TASOR: variants seen among roughly 807,000 people sequenced by gnomAD.
The protein encoded by TASOR is protein TASOR.
Under a neutral mutation model 178.6 loss-of-function variants are expected in TASOR, and 53 were observed. The ratio of observed to expected loss-of-function variants is 0.30; its 90% CI spans 0.24 to 0.37. The LOEUF is 0.37. TASOR is among the 10% of genes least tolerant of loss of function. TASOR has a pLI of 1.00. For synonymous variants in TASOR, 713 were observed against 696.2 expected (o/e 1.02, Z -0.38); for missense variants, 1,815 against 1,971.4 (o/e 0.92, Z 1.50).
Position 56,647,219 on chromosome 3 carries a change from T to C in TASOR, c.1518A>G (p.Gln506=), listed in dbSNP as rs138228437. 2.6e-6 allele frequency: 4 copies of C among 1,527,626 alleles called. No homozygotes were observed. The African/African-American group carries it at 4.2e-5, about 16-fold the overall frequency. The allele number at this position is 1,527,626 out of a possible 1,614,324, so 94.6% of individuals were successfully genotyped here. Residue 506 remains glutamine, a synonymous_variant, in exon 14 of 24, where the codon CAA becomes CAG. Coordinates refer to ENST00000683822, the MANE Select transcript of TASOR (RefSeq NM_001365635.2). ...GTGGTGCTGCATTGGTTGAACCTTT[T>C]TGTGCTGTAAATAAAACAAACAAAC... ...FQEPRSIVTS[Q]KGSTNAAPQE... is the part of the protein sequence containing the mutation.
intron 3 of TASOR, among the ~76,000 whole-genome samples, chr3:56,670,357 T>C (rs146997940): frequency 6.6e-6 from 1 of 152,158 alleles, no homozygotes; most frequent in African/African-American, 2.4e-5. Context: ...TCCATTTTTC[T>C]TCATTTTAAT....
intron 1 of TASOR, among the ~76,000 whole-genome samples, chr3:56,679,327 T>C (rs1285794732): frequency 4.6e-5 from 7 of 152,228 alleles, no homozygotes; most frequent in Non-Finnish European, 7.3e-5. Context: ...CAATTAGAAA[T>C]GAATATGCTG....
chr3:56,623,637 T>C (rs2076737065), intron 23 of TASOR, 71 bp from the exon 24 acceptor site: 2 of 1,542,620 alleles, frequency 1.3e-6, no homozygotes, highest in African/African-American at 1.4e-5. Context: ...AATTATACAC[T>C]ACTCACACAA....
At position 56,671,619 on chromosome 3, in the gene TASOR, A is replaced by T. The variant is rs183980831; in HGVS notation, c.551T>A (p.Leu184Gln). 53 of 1,549,056 alleles carry T rather than the reference A, an allele frequency of 3.4e-5. No individual in the cohort carries two copies. The Admixed American group carries it at 1.0e-3, about 30-fold the overall frequency. Reference protein sequence around the residue: ...DKELSESYAFLMVDRYQVQTI... With the variant: ...DKELSESYAFQMVDRYQVQTI... ...ACTCACCTGGTATCGATCAACCATC[A>T]GAAATGCATAGGATTCTGAAAGTTC... is the stretch of plus-strand genomic sequence containing the variant. The change falls in exon 3 of 24, where the codon CTG becomes CAG. Residue 184 changes from leucine to glutamine, a missense_variant. By Grantham distance (113) the Leu-to-Gln change is moderately radical. This residue lies in a region of TASOR where 504 missense variants were observed against 645.3 expected (regional missense o/e 0.78). Transcript: ENST00000683822.
chr3:56,672,538 C>T (rs1326439321), intron 2 of TASOR, among the ~76,000 whole-genome samples: 1 of 152,216 alleles, frequency 6.6e-6, no homozygotes, highest in Non-Finnish European at 1.5e-5. Flanking sequence ...TCTATACATT[C>T]TGGCTTTTCC....
At chr3:56,644,913 A>G (rs1387777468) in intron 14 of TASOR, among the ~76,000 whole-genome samples, 2 of 152,240 alleles carry the variant, frequency 1.3e-5, no homozygotes, top group African/African-American at 4.8e-5. Context: ...TTTCATTTTA[A>G]TTCAAACTTA....
Position 56,683,096 on chromosome 3 carries a change from C to T in TASOR, c.-90G>A, listed in dbSNP as rs2031951242. The T allele has an allele frequency of 7.3e-7, 1 of 1,362,144 alleles. No individual in the cohort carries two copies. Among genetic ancestry groups the T allele is most frequent in the Non-Finnish European group, 9.7e-7 (1 of 1,029,080 alleles). 84.4% of individuals were successfully genotyped at this position (1,362,144 alleles called of 1,614,324 possible). ...GCGGCGGGCCAGTCTCGCCGCCGAG[C>T]TGCTCTCAGCCCACCCACCCCCTTC... On this transcript the variant is annotated 5_prime_UTR_variant, in exon 1 of 24. Transcript: ENST00000683822.
chr3:56,628,064 G>A (rs76314445), intron 19 of TASOR, among the ~76,000 whole-genome samples: 2 of 152,128 alleles, frequency 1.3e-5, no homozygotes, highest in Admixed American at 6.5e-5. Context: ...CTATGTGCTC[G>A]AACAGTCAAT....
At position 56,623,475 on chromosome 3, in the gene TASOR, A is replaced by T. The variant is rs763541497; in HGVS notation, c.4575T>A (p.His1525Gln). 3.1e-6 allele frequency: 5 copies of T among 1,613,216 alleles called. No homozygotes were observed. In the Admixed American group the frequency reaches 6.7e-5, roughly 22 times the overall value. Residue 1525 changes from histidine (H) to glutamine (Q), a missense_variant, in exon 24 of 24, where the codon CAT (histidine) becomes CAA (glutamine). Around this residue, in one of 5 missense-constraint regions of TASOR, gnomAD observed 278 missense variants for 257.1 expected, o/e 1.08. Transcript: ENST00000683822. ...TGGTCTCTTTCTCCCATATTTCTGA[A>T]TGAAAATTGCTGCATACTTCTATAT... ...ISHIEVCSNFHSEIWEKETKG... is the reference protein window; with the variant it reads ...ISHIEVCSNFQSEIWEKETKG...
intron 9 of TASOR, 24 bp downstream of exon 9, chr3:56,662,361 G>C: frequency 8.0e-7 from 1 of 1,256,834 alleles, no homozygotes; most frequent in Middle Eastern, 1.9e-4. Flanking sequence ...TAGCAACCAC[G>C]AACTGCTCTT....
Position 56,663,587 on chromosome 3 carries a change from A to C in TASOR, c.1023-15T>G. The C allele has an allele frequency of 7.7e-7, 1 of 1,294,764 alleles. No homozygotes were observed. The highest frequency in any genetic ancestry group is 1.0e-6 in the Non-Finnish European group (1 of 987,512). 80.2% of individuals were successfully genotyped at this position (1,294,764 alleles called of 1,614,324 possible). Reference sequence around the variant, plus strand: ...AGCTGTTAGATCTACAAATTTTTTAAAAGAAAAGAAAAACATTACTCATTA... The same window carrying C: ...AGCTGTTAGATCTACAAATTTTTTACAAGAAAAGAAAAACATTACTCATTA... On this transcript the variant is annotated splice_polypyrimidine_tract_variant and intron_variant, in intron 7 of 23. Coordinates refer to ENST00000683822, the MANE Select transcript of TASOR (RefSeq NM_001365635.2).
chr3:56,673,398 C>CT (rs1559853471), intron 2 of TASOR, among the ~76,000 whole-genome samples, 182 bp downstream of exon 2: 1 of 134,546 alleles, frequency 7.4e-6, no homozygotes, highest in Non-Finnish European at 1.5e-5. Context: ...CGCCACTGTA[C>CT]TCCAGCCTGG....
chr3:56,662,654 T>C (rs2077622980), intron 8 of TASOR, among the ~76,000 whole-genome samples, 164 bp from the exon 9 acceptor site: 1 of 151,898 alleles, frequency 6.6e-6, no homozygotes, highest in Non-Finnish European at 1.5e-5. Flanking sequence ...TACTAACAGT[T>C]CAAATATTAG....
intron 14 of TASOR, 23 bp downstream of exon 14, chr3:56,646,499 A>G (rs777642176): frequency 5.1e-6 from 8 of 1,556,386 alleles, no homozygotes; most frequent in African/African-American, 1.4e-5. Flanking sequence ...TTTGGCTGTT[A>G]TAAGAGCAAT....
intron 1 of TASOR, among the ~76,000 whole-genome samples, chr3:56,678,990 C>A (rs184858616): frequency 7.7e-6 from 1 of 130,370 alleles, no homozygotes; most frequent in African/African-American, 2.9e-5. Flanking sequence ...CCAGCCTGGG[C>A]AACAGAGGCT....
intron 21 of TASOR, among the ~76,000 whole-genome samples, chr3:56,626,588 C>G (rs914216598): frequency 6.6e-6 from 1 of 151,952 alleles, no homozygotes; most frequent in Non-Finnish European, 1.5e-5. Context: ...ACTAAAAATA[C>G]AAAAATTAGC....
In TASOR at chr3:56,649,952, G is replaced by A. The variant is rs117254952; in HGVS notation, c.1369-895C>T. Reference sequence around the variant, plus strand: ...GGGAATGAAAGATCATGGGTTAGCTGTAAAAAGACCAGAAGCCAGGCTGGC... The same window carrying A: ...GGGAATGAAAGATCATGGGTTAGCTATAAAAAGACCAGAAGCCAGGCTGGC... On this transcript the variant is annotated intron_variant, in intron 11 of 23. Transcript: ENST00000683822. Among the ~76,000 whole-genome samples, 66 of 152,328 alleles carry A rather than the reference G, an allele frequency of 4.3e-4. No homozygotes were observed. In the East Asian group the frequency reaches 0.01, roughly 24 times the overall value.
At chr3:56,650,124 T>C (rs761912906) in intron 11 of TASOR, among the ~76,000 whole-genome samples, 86 of 152,320 alleles carry the variant, frequency 5.6e-4, no homozygotes, top group Admixed American at 1.3e-3. Flanking sequence ...TAGTTCACAA[T>C]GTTTTGGGTA....
intron 14 of TASOR, among the ~76,000 whole-genome samples, chr3:56,644,983 A>C (rs2107574695): frequency 6.6e-6 from 1 of 152,332 alleles, no homozygotes; most frequent in South Asian, 2.1e-4. Context: ...AAGAAGTAAA[A>C]GGAGAGCAGG....
Sources: gnomAD v4.1 joint callset for allele counts (sites outside exome capture counted in the v4.1 genomes callset) on GRCh38, gnomAD v4.1.1 for gene constraint, gnomAD v4.1.1 regional missense constraint, MANE v1.5 for transcripts, NCBI Gene and HGNC (gene_info 2026-07-23, HGNC 2026-07-21) for gene names.